The following UXS1 variants were observed in gnomAD, a reference collection of about 807,000 sequenced individuals.
UXS1 encodes the protein UDP-glucuronate decarboxylase 1, also known as UDP-glucuronic acid decarboxylase 1.
In UXS1, 33 loss-of-function variants were observed where a neutral mutation model predicts 62.6. That is an observed-to-expected ratio of 0.53 (90% CI 0.40 to 0.70). The LOEUF (loss-of-function observed/expected upper bound fraction) is 0.70, where lower values mean the gene tolerates loss of function less well. Among genes scored for constraint, UXS1 ranks in the 30% least tolerant of loss-of-function variants. UXS1 has a pLI of 0.00. For missense variants in UXS1, 434 were observed against 556.3 expected, an observed-to-expected ratio of 0.78 and a Z score of 2.21; for synonymous variants, 213 against 206.8, an observed-to-expected ratio of 1.03 and a Z score of -0.26.
At chr2:106,139,706 T>C (rs2104975807) in intron 6 of UXS1, among the ~76,000 whole-genome samples, 1 of 152,322 alleles carries the variant, frequency 6.6e-6, no homozygotes, top group Non-Finnish European at 1.5e-5. Flanking sequence ...CTTAAGTTAG[T>C]GACATAGTCT....
chr2:106,152,623 G>C (rs888350005), intron 5 of UXS1, among the ~76,000 whole-genome samples: 2 of 151,950 alleles, frequency 1.3e-5, no homozygotes, highest in African/African-American at 4.8e-5. Context: ...AAAGAGGAAA[G>C]AAAGAAAATA....
intron 9 of UXS1, among the ~76,000 whole-genome samples, chr2:106,120,867 G>C (rs1413311898): frequency 6.6e-6 from 1 of 152,224 alleles, no homozygotes; most frequent in East Asian, 1.9e-4. Context: ...CGGAGTGACA[G>C]GGACACCTTC....
chr2:106,163,441 A>C (rs1683025666), intron 4 of UXS1, among the ~76,000 whole-genome samples: 1 of 152,226 alleles, frequency 6.6e-6, no homozygotes, highest in African/African-American at 2.4e-5. Context: ...CTATGTAATA[A>C]ATTTGCAGAA....
At position 106,165,429 on chromosome 2, in the gene UXS1, G is replaced by A. The variant is rs941571367; in HGVS notation, c.122+627C>T. Among the ~76,000 whole-genome samples, 3 of 152,224 alleles carry A rather than the reference G, an allele frequency of 2.0e-5. No individual in the cohort carries two copies. In the East Asian group the frequency reaches 5.8e-4, roughly 29 times the overall value. ...AGTGATTCTCACAACATAACCAAGT[G>A]GAGCAAATTTTCCTTTACATGGAAA... On this transcript the variant is annotated intron_variant, in intron 2 of 14. Coordinates refer to ENST00000283148, the MANE Select transcript of UXS1 (RefSeq NM_001253875.2).
chr2:106,094,197 T>A, intron 14 of UXS1, 40 bp from the exon 15 acceptor site: 1 of 1,226,002 alleles, frequency 8.2e-7, no homozygotes, highest in Non-Finnish European at 1.1e-6. Flanking sequence ...CAAGGTCACA[T>A]TGACAGAAGG....
Position 106,096,820 on chromosome 2 carries a change from A to T in UXS1, c.1044T>A (p.Gly348=), listed in dbSNP as rs1288843823. Residue 348 remains glycine, a splice_region_variant and synonymous_variant, in exon 14 of 15, where the codon GGT becomes GGA. Coordinates refer to ENST00000283148, the MANE Select transcript of UXS1 (RefSeq NM_001253875.2). The stretch of plus-strand genomic sequence containing the variant: ...AGAGAAACTGAATTTCACTTCCGCT[A>T]CCTGAGATGTTTAAAGAAAAAAAAG... ...EFAQLIKNLV[G]SGSEIQFLSE... 6.3e-7 allele frequency: 1 copy of T among 1,580,064 alleles called. No individual in the cohort carries two copies. Among genetic ancestry groups the T allele is most frequent in the Non-Finnish European group, 8.6e-7 (1 of 1,161,152 alleles).
At chr2:106,100,383 T>C (rs1677492577) in intron 12 of UXS1, among the ~76,000 whole-genome samples, 1 of 152,174 alleles carries the variant, frequency 6.6e-6, no homozygotes, top group Non-Finnish European at 1.5e-5. Flanking sequence ...TACCACACTG[T>C]AGAGGCATCA....
At chr2:106,141,925 C>T (rs772004349) in intron 6 of UXS1, among the ~76,000 whole-genome samples, 5 of 149,522 alleles carry the variant, frequency 3.3e-5, no homozygotes, top group Non-Finnish European at 5.9e-5. Flanking sequence ...GGCTGGAGTG[C>T]AACGGCACTA....
rs940504047 is a variant in UXS1 at position 106,130,863 on chromosome 2, T to TA, written c.473-1086_473-1085insT. Among the ~76,000 whole-genome samples the TA allele has an allele frequency of 5.9e-4, 89 of 151,854 alleles. 1 individual carries two copies. The highest frequency in any genetic ancestry group is 1.9e-3 in the African/African-American group (77 of 41,346). On this transcript the variant is annotated intron_variant, in intron 6 of 14. Transcript: ENST00000283148. ...CTAGACCTTCATTCATATATATATA[T>TA]TTTTTTTAACATTTGAAAGCCAAGT...
chr2:106,150,247 T>A (rs990719973), intron 5 of UXS1, among the ~76,000 whole-genome samples: 14 of 152,078 alleles, frequency 9.2e-5, no homozygotes, highest in East Asian at 5.8e-4. Flanking sequence ...ACAAAAAAAA[T>A]TTTTTAAGTC....
At chr2:106,104,996 G>A (rs1028676061) in intron 10 of UXS1, among the ~76,000 whole-genome samples, 159 bp from the exon 11 acceptor site, 4 of 152,182 alleles carry the variant, frequency 2.6e-5, no homozygotes, top group African/African-American at 7.2e-5. Context: ...ACTCTACTTC[G>A]AGACCATGCC....
intron 1 of UXS1, among the ~76,000 whole-genome samples, chr2:106,177,199 TC>T (rs1192235567): frequency 3.1e-4 from 8 of 25,834 alleles, no homozygotes; most frequent in African/African-American, 7.2e-4. Flanking sequence ...TTTTCTTTTT[TC>T]TTTTTTTTTT....
intron 7 of UXS1, 65 bp from the exon 8 acceptor site, chr2:106,125,744 C>A: frequency 7.2e-7 from 1 of 1,380,114 alleles, no homozygotes; most frequent in Non-Finnish European, 9.9e-7. Flanking sequence ...TTTTTGCTGG[C>A]CAATTTAAGC....
At chr2:106,150,854 C>A (rs1681953439) in intron 5 of UXS1, among the ~76,000 whole-genome samples, 5 of 152,218 alleles carry the variant, frequency 3.3e-5, no homozygotes. Flanking sequence ...CTGAGACCAA[C>A]AAAGCCACAA....
At chr2:106,122,938 C>T (rs1679636926) in intron 9 of UXS1, 32 bp downstream of exon 9, 1 of 1,611,436 alleles carries the variant, frequency 6.2e-7, no homozygotes, top group South Asian at 1.1e-5. Flanking sequence ...CTCAGCACGC[C>T]TAAACCGCAA....
intron 1 of UXS1, among the ~76,000 whole-genome samples, chr2:106,191,258 T>G (rs1684915424): frequency 6.6e-6 from 1 of 152,170 alleles, no homozygotes; most frequent in African/African-American, 2.4e-5. Context: ...AGGGCATTTC[T>G]GCAACGGAGG....
At position 106,145,314 on chromosome 2, in the gene UXS1, G is replaced by A. The variant is rs778008247; in HGVS notation, c.348C>T (p.Asp116=). ...TGTCCACCACGGTCACCTCGTGGCCGTCCATCATGAGTTTGTCAGTTAGAT... is the reference window on the plus strand; with the variant it reads ...TGTCCACCACGGTCACCTCGTGGCCATCCATCATGAGTTTGTCAGTTAGAT... ...GSHLTDKLMM[D]GHEVTVVDNF... Residue 116 remains aspartate, a synonymous_variant, in exon 6 of 15, where the codon GAC becomes GAT. Transcript: ENST00000283148. 15 of 1,613,714 alleles carry A rather than the reference G, an allele frequency of 9.3e-6. No homozygotes were observed. The highest frequency in any genetic ancestry group is 4.5e-5 in the East Asian group (2 of 44,886).
chr2:106,187,931 G>GGGGTTTCACCATGTTGGCCAGGC (rs1684677575), intron 1 of UXS1, among the ~76,000 whole-genome samples: 1 of 152,066 alleles, frequency 6.6e-6, no homozygotes, highest in East Asian at 1.9e-4. Context: ...TACTAGAGAC[G>GGGGTTTCACCATGTTGGCCAGGC]GGGTTTCACC....
intron 5 of UXS1, among the ~76,000 whole-genome samples, chr2:106,146,728 C>T (rs555216317): frequency 7.6e-6 from 1 of 131,522 alleles, no homozygotes; most frequent in African/African-American, 2.9e-5. Context: ...TGCAGTGGAT[C>T]GTACCACTGC....
Sources: gnomAD v4.1 joint callset for allele counts (sites outside exome capture counted in the v4.1 genomes callset) on GRCh38, gnomAD v4.1.1 for gene constraint, MANE v1.5 for transcripts, NCBI Gene and HGNC (gene_info 2026-07-23, HGNC 2026-07-21) for gene names.